Variants in PMS1 observed in about 807,000 individuals in gnomAD.
The protein encoded by PMS1 is PMS1 homolog 1, mismatch repair system component, also known as PMS1 protein homolog 1.
PMS1 carries 79 observed loss-of-function variants against 93.1 expected under a neutral mutation model. The ratio of observed to expected loss-of-function variants is 0.85; its 90% CI spans 0.71 to 1.02. PMS1 has a LOEUF of 1.02. Ranked by LOEUF, PMS1 falls within the 50% of genes least tolerant of loss-of-function variation. The pLI, the probability that PMS1 is intolerant of heterozygous loss-of-function variation, is 0.00. For missense variants in PMS1, 1,064 were observed against 1,085.3 expected (o/e 0.98, Z 0.28); for synonymous variants, 335 against 363.4 (o/e 0.92, Z 0.89).
chr2:189,805,755 G>T lies in PMS1; in HGVS notation c.418+1G>T. 1 of 1,613,698 alleles carries T rather than the reference G, an allele frequency of 6.2e-7. No individual in the cohort carries two copies. The highest frequency in any genetic ancestry group is 8.5e-7 in the Non-Finnish European group (1 of 1,179,860). ...CAGAAACCTTCACATCTTGGTCAAG[G>T]TAAGAAAGTAGCTTTGTATACAAAC... On this transcript the variant is annotated splice_donor_variant, in intron 4 of 12. Transcript: ENST00000441310. LOFTEE classifies it high-confidence loss of function.
At chr2:189,792,688 AATATATATATATATATATAT>A (rs3067428) in intron 2 of PMS1, among the ~76,000 whole-genome samples, 8 of 127,260 alleles carry the variant, frequency 6.3e-5, no homozygotes, top group East Asian at 2.2e-4. Flanking sequence ...TATGGACACA[AATATATATATATATATATAT>A]ATATATATAT....
chr2:189,794,888 G>A (rs2049203768), intron 2 of PMS1, among the ~76,000 whole-genome samples: 2 of 152,116 alleles, frequency 1.3e-5, no homozygotes, highest in Non-Finnish European at 1.5e-5. Context: ...CTTGGAGCCA[G>A]GAGTTTGATA....
At chr2:189,803,234 AATTATC>A (rs1382925677) in intron 3 of PMS1, among the ~76,000 whole-genome samples, 3 of 152,178 alleles carry the variant, frequency 2.0e-5, no homozygotes, top group Admixed American at 1.3e-4. Flanking sequence ...TTTTTACCTG[AATTATC>A]AGGATATATT....
chr2:189,800,423 A>T (rs1368349599), intron 3 of PMS1, among the ~76,000 whole-genome samples: 1 of 152,170 alleles, frequency 6.6e-6, no homozygotes, highest in Non-Finnish European at 1.5e-5. Context: ...GAGGACTGTG[A>T]ATAGTATTTG....
Position 189,848,107 on chromosome 2 carries a change from G to A in PMS1, c.699+4027G>A, listed in dbSNP as rs556910162. ...GTGCTACTTCAAACTGGTTACGGTC[G>A]CTGACTTGGGATGGCAAGGGTACTG... On this transcript the variant is annotated intron_variant, in intron 6 of 12. Coordinates refer to ENST00000441310, the MANE Select transcript of PMS1 (RefSeq NM_000534.5). Among the ~76,000 whole-genome samples the A allele has an allele frequency of 4.6e-5, 7 of 152,232 alleles. No individual in the cohort carries two copies. The South Asian group carries it at 6.2e-4, about 14-fold the overall frequency.
chr2:189,805,813 T>TAAA, intron 4 of PMS1, 59 bp downstream of exon 4: 1 of 1,386,028 alleles, frequency 7.2e-7, no homozygotes, highest in Non-Finnish European at 9.9e-7. Flanking sequence ...ATTGTTGGTT[T>TAAA]AAAAAAAAAA....
chr2:189,805,710 G>A lies in PMS1; in HGVS notation c.374G>A (p.Gly125Asp), dbSNP rs780386003. The A allele has an allele frequency of 2.9e-5, 47 of 1,613,578 alleles. No individual in the cohort carries two copies. Among genetic ancestry groups the A allele is most frequent in the Non-Finnish European group, 3.6e-5 (43 of 1,179,864 alleles). ...TTTAGCACCCAGTATGTTTTAGATG[G>A]CAGTGGCCACATACTTTCTCAGAAA... ...DNFSTQYVLD[G>D]SGHILSQKPS... Residue 125 changes from glycine (G) to aspartate (D), a missense_variant, in exon 4 of 13, where the codon GGC becomes GAC. Physicochemically the swap from Gly to Asp is moderately conservative, Grantham distance 94 (BLOSUM62 -1). Coordinates refer to ENST00000441310, the MANE Select transcript of PMS1 (RefSeq NM_000534.5).
chr2:189,865,679 G>A (rs2056591252), intron 10 of PMS1, among the ~76,000 whole-genome samples: 1 of 152,116 alleles, frequency 6.6e-6, no homozygotes, highest in Non-Finnish European at 1.5e-5. Context: ...GGATGACAAA[G>A]CCTGGGGAAA....
chr2:189,849,551 T>C (rs2054521126), intron 6 of PMS1, among the ~76,000 whole-genome samples: 1 of 152,220 alleles, frequency 6.6e-6, no homozygotes, highest in South Asian at 2.1e-4. Context: ...GACAAAATTA[T>C]CTAATTCTCT....
In PMS1 at chr2:189,815,689, T is replaced by C. The variant is rs1022519310; in HGVS notation, c.419-2328T>C. On this transcript the variant is annotated intron_variant, in intron 4 of 12. Transcript: ENST00000441310. ...TTCCAGGGTAATATCTTTATAGCAG[T>C]GTGAGAAGGAACGGACTAATACAGT... is the stretch of plus-strand genomic sequence containing the variant. 2.6e-5 allele frequency among the ~76,000 whole-genome samples: 4 copies of C among 152,282 alleles called. No individual in the cohort carries two copies. In the South Asian group the frequency reaches 6.2e-4, roughly 24 times the overall value.
At chr2:189,813,845 T>A (rs1167969632) in intron 4 of PMS1, among the ~76,000 whole-genome samples, 1 of 152,220 alleles carries the variant, frequency 6.6e-6, no homozygotes. Context: ...TAATTGGAAG[T>A]GTTTTTTTCT....
chr2:189,829,427 A>G (rs1450189799), intron 5 of PMS1, among the ~76,000 whole-genome samples: 2 of 151,922 alleles, frequency 1.3e-5, no homozygotes, highest in East Asian at 1.9e-4. Flanking sequence ...CCTTGTTCCT[A>G]CTGCTTTTTA....
intron 3 of PMS1, among the ~76,000 whole-genome samples, chr2:189,799,048 A>G (rs2049632714): frequency 6.6e-6 from 1 of 152,126 alleles, no homozygotes; most frequent in African/African-American, 2.4e-5. Flanking sequence ...GTCACTTTCT[A>G]TCTTGTTTCC....
At chr2:189,825,532 C>T (rs550875951) in intron 5 of PMS1, among the ~76,000 whole-genome samples, 2 of 152,278 alleles carry the variant, frequency 1.3e-5, no homozygotes, top group Admixed American at 1.3e-4. Context: ...ACCACTAGTT[C>T]AGAACATAAT....
chr2:189,867,652 A>G, intron 10 of PMS1, 147 bp from the exon 11 acceptor site: 1 of 625,774 alleles, frequency 1.6e-6, no homozygotes, highest in Non-Finnish European at 2.8e-6. Context: ...GAAATGTAAA[A>G]CAGTGATTTC....
At chr2:189,831,189 G>A (rs2052899997) in intron 5 of PMS1, among the ~76,000 whole-genome samples, 1 of 152,138 alleles carries the variant, frequency 6.6e-6, no homozygotes, top group African/African-American at 2.4e-5. Flanking sequence ...AAATGAGTTG[G>A]TATTTAATAT....
chr2:189,858,513 A>G (rs976997049), intron 9 of PMS1, among the ~76,000 whole-genome samples: 1 of 152,116 alleles, frequency 6.6e-6, no homozygotes, highest in African/African-American at 2.4e-5. Flanking sequence ...TTTACTTAAC[A>G]TTTACTTAAT....
At chr2:189,855,570 T>C (rs1046154042) in intron 9 of PMS1, among the ~76,000 whole-genome samples, 4 of 151,966 alleles carry the variant, frequency 2.6e-5, no homozygotes, top group African/African-American at 4.8e-5. Flanking sequence ...CTCCAAAATA[T>C]GTAATACAAC....
chr2:189,793,027 C>A (rs2049033438), intron 2 of PMS1, among the ~76,000 whole-genome samples: 1 of 152,122 alleles, frequency 6.6e-6, no homozygotes, highest in Non-Finnish European at 1.5e-5. Context: ...CCAGTCTGGT[C>A]TTGAACTCCT....
Sources: allele counts gnomAD v4.1 joint callset (sites outside exome capture counted in the v4.1 genomes callset), GRCh38; gene constraint gnomAD v4.1.1; transcripts MANE v1.5; gene names NCBI Gene and HGNC (gene_info 2026-07-23, HGNC 2026-07-21).